ZC4H2: variants seen among roughly 807,000 people sequenced by gnomAD.
ZC4H2 encodes zinc finger C4H2 domain-containing protein.
For missense variants in ZC4H2, 137 were observed against 173.9 expected (o/e 0.79, Z 1.19); for synonymous variants, 84 against 66.3 (o/e 1.27, Z -1.30).
intron 1 of ZC4H2, among the ~76,000 whole-genome samples, chrX:64,999,850 C>G (rs373093698): frequency 1.9e-4 from 21 of 112,181 alleles, no homozygotes; most frequent in Admixed American, 6.6e-4. Flanking sequence ...CAGAGCCCAC[C>G]GCAGCTTGAC....
intron 1 of ZC4H2, among the ~76,000 whole-genome samples, chrX:64,946,483 A>C (rs1232937740): frequency 9.2e-6 from 1 of 109,026 alleles, no homozygotes; most frequent in Non-Finnish European, 1.9e-5. Flanking sequence ...GAAATGCAGC[A>C]GTCACCCACC....
At chrX:64,953,483 C>A (rs1367155892) in intron 1 of ZC4H2, among the ~76,000 whole-genome samples, 2 of 112,019 alleles carry the variant, frequency 1.8e-5, no homozygotes, top group Non-Finnish European at 3.8e-5. Context: ...AAGGAAAAAA[C>A]AAAGAACCCC....
rs190116045 is a variant in ZC4H2, at chrX:64,946,113, G to T, written c.54-24125C>A. On this transcript the variant is annotated intron_variant, in intron 1 of 4. Transcript: ENST00000374839. Reference sequence around the variant, plus strand: ...CAGTTCTCTCTCGCTTGGGTTCCAGGTGCCCCTGGCGTGTGGGAAAAAAAA... The same window carrying T: ...CAGTTCTCTCTCGCTTGGGTTCCAGTTGCCCCTGGCGTGTGGGAAAAAAAA... 1.9e-4 allele frequency among the ~76,000 whole-genome samples: 21 copies of T among 109,977 alleles called. No individual in the cohort carries two copies. The Admixed American group carries it at 2.0e-3, about 10-fold the overall frequency.
upstream of ZC4H2, among the ~76,000 whole-genome samples, chrX:64,979,938 C>A (rs1023867597): frequency 9.0e-6 from 1 of 111,323 alleles, no homozygotes; most frequent in African/African-American, 3.3e-5. Flanking sequence ...CAGTCAGTCT[C>A]GATTATACTT....
At chrX:64,954,371 T>TATATATAC (rs1931059038) in intron 1 of ZC4H2, among the ~76,000 whole-genome samples, 1 of 74,525 alleles carries the variant, frequency 1.3e-5, no homozygotes, top group African/African-American at 9.5e-5. Context: ...TATATATATA[T>TATATATAC]AATTATATAT....
Position 64,919,019 on chromosome X carries a change from C to T in ZC4H2, c.561+23G>A, listed in dbSNP as rs758708529. ...ATGGGAGGATACTTTGCTTCCTCCA[C>T]AACCATTACCCAGCTCACTTACCTT... On this transcript the variant is annotated intron_variant, in intron 4 of 4. Transcript: ENST00000374839. 8 of 1,138,120 alleles carry T rather than the reference C, an allele frequency of 7.0e-6. No individual in the cohort carries two copies. In the East Asian group the frequency reaches 2.1e-4, roughly 31 times the overall value. The allele number at this position is 1,138,120 out of a possible 1,213,427, so 93.8% of individuals were successfully genotyped here. A position where few individuals can be genotyped will look rare whatever the true frequency, so the allele number is the denominator to read the frequency against.
chrX:64,957,918 G>A (rs1931221121), intron 1 of ZC4H2, among the ~76,000 whole-genome samples: 1 of 110,663 alleles, frequency 9.0e-6, no homozygotes, highest in South Asian at 3.9e-4. Context: ...ATTAGCCTAG[G>A]CCTACACAGG....
chrX:64,937,858 A>G (rs1259854038), intron 1 of ZC4H2, among the ~76,000 whole-genome samples: 1 of 111,814 alleles, frequency 8.9e-6, no homozygotes, highest in East Asian at 2.8e-4. Context: ...ACACCCTAAC[A>G]TCACAATGAA....
At chrX:64,930,421 G>C (rs1444909633) in intron 1 of ZC4H2, among the ~76,000 whole-genome samples, 1 of 111,737 alleles carries the variant, frequency 8.9e-6, no homozygotes, top group Non-Finnish European at 1.9e-5. Context: ...TAGAAGTGGT[G>C]ACAATAGGCA....
intron 1 of ZC4H2, among the ~76,000 whole-genome samples, chrX:64,961,646 G>T (rs868389937): frequency 9.3e-6 from 1 of 107,738 alleles, no homozygotes; most frequent in African/African-American, 3.3e-5. Context: ...GGTTTTTTTT[G>T]AAAAAATAAA....
intron 1 of ZC4H2, among the ~76,000 whole-genome samples, chrX:64,922,688 C>G (rs1318667769): frequency 2.7e-5 from 3 of 112,163 alleles, no homozygotes; most frequent in Non-Finnish European, 3.8e-5. Flanking sequence ...TTGAGAAACT[C>G]TAAGTAAGCA....
At chrX:64,965,707 G>A (rs1477624077) in intron 1 of ZC4H2, among the ~76,000 whole-genome samples, 2 of 110,464 alleles carry the variant, frequency 1.8e-5, no homozygotes, top group African/African-American at 3.3e-5. Flanking sequence ...AAGCCATGGC[G>A]GGAGGATCGC....
At chrX:64,991,627 T>C (rs1932309788) in intron 1 of ZC4H2, among the ~76,000 whole-genome samples, 1 of 111,611 alleles carries the variant, frequency 9.0e-6, no homozygotes, top group Non-Finnish European at 1.9e-5. Flanking sequence ...CCTCAACAAG[T>C]TAAACATAGA....
intron 1 of ZC4H2, among the ~76,000 whole-genome samples, chrX:64,972,546 T>A (rs1931816941): frequency 8.9e-6 from 1 of 112,131 alleles, no homozygotes; most frequent in South Asian, 3.7e-4. Flanking sequence ...GTTAATCAGA[T>A]AATCAGCATT....
intron 1 of ZC4H2, among the ~76,000 whole-genome samples, chrX:64,943,873 C>T (rs1277009651): frequency 9.0e-6 from 1 of 111,104 alleles, no homozygotes; most frequent in Admixed American, 9.6e-5. Context: ...ATCCTGTAAT[C>T]ATGATGCTAG....
chrX:64,992,945 A>G (rs1180932314), intron 1 of ZC4H2, among the ~76,000 whole-genome samples: 1 of 110,855 alleles, frequency 9.0e-6, no homozygotes, highest in African/African-American at 3.3e-5. Flanking sequence ...GCTTCCTGAC[A>G]CACCTACTAG....
At chrX:64,986,142 T>C (rs1326223176) in intron 1 of ZC4H2, among the ~76,000 whole-genome samples, 1 of 112,598 alleles carries the variant, frequency 8.9e-6, no homozygotes, top group African/African-American at 3.2e-5. Context: ...TTCCAATTTG[T>C]CCTTATTTTA....
chrX:64,921,952 A>C lies in ZC4H2; in HGVS notation c.90T>G (p.Arg30=). 8.3e-7 allele frequency: 1 copy of C among 1,210,823 alleles called. No homozygotes were observed. Among genetic ancestry groups the C allele is most frequent in the Non-Finnish European group, 1.1e-6 (1 of 895,394 alleles). Reference sequence around the variant, plus strand: ...CAAGTGCCTCAAACTCAGCCTTCAAACGAGCCTTGATCTTCTCCATCTGCA... The same window carrying C: ...CAAGTGCCTCAAACTCAGCCTTCAACCGAGCCTTGATCTTCTCCATCTGCA... ...KTLQMEKIKA[R]LKAEFEALES... is the part of the protein sequence containing the mutation. The change falls in exon 2 of 5, where the codon CGT becomes CGG. Residue 30 remains arginine, a synonymous_variant. Transcript: ENST00000374839.
chrX:64,986,327 T>A (rs1932185777), intron 1 of ZC4H2, among the ~76,000 whole-genome samples: 1 of 112,060 alleles, frequency 8.9e-6, no homozygotes, highest in South Asian at 3.7e-4. Context: ...TGTTTCAAGA[T>A]GTGGCCTGGT....
Sources: gnomAD v4.1 joint callset for allele counts (sites outside exome capture counted in the v4.1 genomes callset) on GRCh38, gnomAD v4.1.1 for gene constraint, MANE v1.5 for transcripts, NCBI Gene and HGNC (gene_info 2026-07-23, HGNC 2026-07-21) for gene names.